PTPRT: variants seen among roughly 807,000 people sequenced by gnomAD.
The protein encoded by PTPRT is receptor-type tyrosine-protein phosphatase T.
In PTPRT, 56 loss-of-function variants were observed where a neutral mutation model predicts 176.8. That is an observed-to-expected ratio of 0.32 (90% confidence interval 0.26 to 0.40). PTPRT has a LOEUF of 0.40. PTPRT is among the 10% of genes least tolerant of loss of function. PTPRT has a pLI of 1.00. For synonymous variants in PTPRT, 783 were observed against 739.0 expected (o/e 1.06, Z -0.96); for missense variants, 1,540 against 1,908.2 (o/e 0.81, Z 3.60).
At chr20:42,582,890 G>A (rs745474378) in intron 7 of PTPRT, among the ~76,000 whole-genome samples, 13 of 152,000 alleles carry the variant, frequency 8.6e-5, no homozygotes, top group Admixed American at 2.6e-4. Flanking sequence ...CGTTCATTTC[G>A]TTCATCCAGG....
chr20:42,557,374 G>T (rs1346750776), intron 7 of PTPRT, among the ~76,000 whole-genome samples: 1 of 151,980 alleles, frequency 6.6e-6, no homozygotes, highest in Non-Finnish European at 1.5e-5. Context: ...TGCAAAAAGG[G>T]CCTCTGCAAC....
chr20:43,110,026 G>A (rs2425606), intron 1 of PTPRT, among the ~76,000 whole-genome samples: 44,229 of 151,976 alleles, frequency 0.29, 6,714 homozygotes, highest in African/African-American at 0.37. Context: ...TTGTGTTGCT[G>A]TAAAGGAAAA....
At chr20:42,939,227 T>C (rs1279279197) in intron 1 of PTPRT, among the ~76,000 whole-genome samples, 1 of 152,228 alleles carries the variant, frequency 6.6e-6, no homozygotes, top group Non-Finnish European at 1.5e-5. Flanking sequence ...GGGATGTCAA[T>C]TTCCCCTGCC....
intron 9 of PTPRT, among the ~76,000 whole-genome samples, chr20:42,380,755 G>C (rs2058691687): frequency 6.6e-6 from 1 of 152,162 alleles, no homozygotes; most frequent in Non-Finnish European, 1.5e-5. Context: ...AATTCATTTT[G>C]ATATCATAGA....
At chr20:42,724,550 T>C (rs879817773) in intron 6 of PTPRT, among the ~76,000 whole-genome samples, 4 of 152,236 alleles carry the variant, frequency 2.6e-5, no homozygotes, top group Admixed American at 2.6e-4. Flanking sequence ...CCTTGAGACC[T>C]GGGAAGTAAC....
rs1982989898 is a variant in PTPRT at position 42,078,409 on chromosome 20, G to C, written c.*2470C>G. Reference sequence around the variant, plus strand: ...AAGCAGAGACCCTGGGTTTCTCATAGAATCTGAGTCTCATGATCCATTGCA... The same window carrying C: ...AAGCAGAGACCCTGGGTTTCTCATACAATCTGAGTCTCATGATCCATTGCA... On this transcript the variant is annotated 3_prime_UTR_variant, in exon 31 of 31. Coordinates refer to ENST00000373187, the MANE Select transcript of PTPRT (RefSeq NM_007050.6). 1 of 210,584 alleles carries C rather than the reference G, an allele frequency of 4.7e-6. No homozygotes were observed. 13.0% of individuals were successfully genotyped at this position (210,584 alleles called of 1,614,324 possible).
At chr20:42,629,366 T>C (rs2074360826) in intron 7 of PTPRT, among the ~76,000 whole-genome samples, 1 of 152,166 alleles carries the variant, frequency 6.6e-6, no homozygotes, top group Non-Finnish European at 1.5e-5. Context: ...ATTTATGGTG[T>C]GACATTCTAA....
At chr20:42,901,782 T>C (rs932780776) in intron 1 of PTPRT, among the ~76,000 whole-genome samples, 2 of 152,208 alleles carry the variant, frequency 1.3e-5, no homozygotes, top group African/African-American at 2.4e-5. Flanking sequence ...GAGAAACCAA[T>C]GTCTTTCTCC....
chr20:42,097,924 A>C (rs998255179), intron 27 of PTPRT, among the ~76,000 whole-genome samples: 2 of 152,210 alleles, frequency 1.3e-5, no homozygotes, highest in Non-Finnish European at 1.5e-5. Context: ...CTGCCGGGGA[A>C]CAAAGGTCAA....
chr20:42,100,426 A>G (rs1279408341), intron 26 of PTPRT, among the ~76,000 whole-genome samples: 1 of 152,230 alleles, frequency 6.6e-6, no homozygotes, highest in Non-Finnish European at 1.5e-5. Context: ...GCTGGAATAC[A>G]GATAAGGACG....
At chr20:42,588,630 A>G (rs866475080) in intron 7 of PTPRT, among the ~76,000 whole-genome samples, 5 of 152,228 alleles carry the variant, frequency 3.3e-5, no homozygotes, top group African/African-American at 1.2e-4. Context: ...GAAATATATT[A>G]GATCAAATAA....
At chr20:42,877,910 G>A (rs754594910) in intron 2 of PTPRT, among the ~76,000 whole-genome samples, 4 of 152,154 alleles carry the variant, frequency 2.6e-5, no homozygotes, top group African/African-American at 7.2e-5. Flanking sequence ...GGGGACCATC[G>A]ACAGTGCCTG....
At chr20:42,454,435 T>C (rs2070886224) in intron 8 of PTPRT, among the ~76,000 whole-genome samples, 1 of 152,220 alleles carries the variant, frequency 6.6e-6, no homozygotes. Flanking sequence ...TTTTCCAAAG[T>C]GGTGGCAGCA....
At chr20:42,878,600 C>G (rs2078969684) in intron 2 of PTPRT, among the ~76,000 whole-genome samples, 1 of 152,214 alleles carries the variant, frequency 6.6e-6, no homozygotes, top group Non-Finnish European at 1.5e-5. Context: ...CTCTGGGACT[C>G]TGTTTTCTCA....
chr20:42,569,829 C>A (rs2073123531), intron 7 of PTPRT, among the ~76,000 whole-genome samples: 1 of 152,094 alleles, frequency 6.6e-6, no homozygotes, highest in Admixed American at 6.6e-5. Context: ...CATCATTTAG[C>A]CACATTTATG....
chr20:42,906,472 A>G (rs907804196), intron 1 of PTPRT, among the ~76,000 whole-genome samples: 1 of 152,200 alleles, frequency 6.6e-6, no homozygotes, highest in Non-Finnish European at 1.5e-5. Flanking sequence ...TTCTTCCAGT[A>G]TATCAAGGCA....
intron 16 of PTPRT, among the ~76,000 whole-genome samples, chr20:42,184,519 CTTCTTCTTCTTCT>C (rs1568651990): frequency 5.3e-4 from 52 of 97,762 alleles, no homozygotes; most frequent in Admixed American, 2.4e-3. Flanking sequence ...CCTCCTCCTC[CTTCTTCTTCTTCT>C]TCCTCTTCCT....
chr20:43,144,442 C>G (rs2014107668), intron 1 of PTPRT, among the ~76,000 whole-genome samples: 1 of 152,150 alleles, frequency 6.6e-6, no homozygotes, highest in African/African-American at 2.4e-5. Flanking sequence ...CCTTCTATCC[C>G]CACTGCAATG....
intron 2 of PTPRT, among the ~76,000 whole-genome samples, chr20:42,801,569 C>T (rs910217992): frequency 6.6e-6 from 1 of 152,308 alleles, no homozygotes; most frequent in South Asian, 2.1e-4. Flanking sequence ...ACTAGGGGAA[C>T]AGCAGTCAGC....
Sources: allele counts gnomAD v4.1 joint callset (sites outside exome capture counted in the v4.1 genomes callset), GRCh38; gene constraint gnomAD v4.1.1; transcripts MANE v1.5; gene names NCBI Gene and HGNC (gene_info 2026-07-23, HGNC 2026-07-21).